OR51B5: variants seen among roughly 807,000 people sequenced by gnomAD.
OR51B5 encodes olfactory receptor family 51 subfamily B member 5, also known as olfactory receptor 51B5.
For missense variants in OR51B5, 456 were observed against 374.6 expected (o/e 1.22, Z -1.79); for synonymous variants, 186 against 144.8 (o/e 1.28, Z -2.04).
chr11:5,456,700 T>A (rs1183853060), intron 1 of OR51B5, among the ~76,000 whole-genome samples: 1 of 152,172 alleles, frequency 6.6e-6, no homozygotes. Flanking sequence ...GGACAAATTA[T>A]TTCATCACCC....
intron 1 of OR51B5, among the ~76,000 whole-genome samples, chr11:5,493,181 G>A (rs557017552): frequency 1.9e-4 from 29 of 152,240 alleles, no homozygotes; most frequent in African/African-American, 7.0e-4. Context: ...TCGAGTCCTT[G>A]TTCATATAGG....
At chr11:5,411,977 G>A (rs984595349) in intron 1 of OR51B5, among the ~76,000 whole-genome samples, 2 of 152,188 alleles carry the variant, frequency 1.3e-5, no homozygotes, top group African/African-American at 4.8e-5. Context: ...TTAGCCCAGT[G>A]AGATCTATTT....
intron 1 of OR51B5, among the ~76,000 whole-genome samples, chr11:5,362,192 A>G (rs769725570): frequency 2.4e-4 from 36 of 152,266 alleles, no homozygotes; most frequent in Admixed American, 1.5e-3. Flanking sequence ...GAAGATCTCA[A>G]CCACACCCAG....
downstream of OR51B5, among the ~76,000 whole-genome samples, chr11:5,341,664 G>T (rs993215614): frequency 6.6e-6 from 1 of 152,132 alleles, no homozygotes; most frequent in Non-Finnish European, 1.5e-5. Context: ...GAATCAGAAT[G>T]TATGTACAGA....
At chr11:5,458,040 G>A (rs1224837382) in intron 1 of OR51B5, among the ~76,000 whole-genome samples, 2 of 152,076 alleles carry the variant, frequency 1.3e-5, no homozygotes, top group African/African-American at 2.4e-5. Context: ...ATTTCCCAAG[G>A]CCTTTGTCCA....
intron 1 of OR51B5, chr11:5,469,313 C>T (rs366257): frequency 0.76 from 117,496 of 153,852 alleles, 45,030 homozygotes; most frequent in Admixed American, 0.8. Flanking sequence ...GGAAATAGCA[C>T]AAAGCAGCAG....
intron 1 of OR51B5, among the ~76,000 whole-genome samples, chr11:5,505,111 GTTTT>G (rs1231614808): frequency 6.6e-6 from 1 of 152,120 alleles, no homozygotes; most frequent in Admixed American, 6.5e-5. Flanking sequence ...CCCATTAGGT[GTTTT>G]TTTGTTTTGT....
intron 1 of OR51B5, chr11:5,351,394 G>C (rs1849083060): frequency 1.4e-6 from 1 of 731,720 alleles, no homozygotes. Flanking sequence ...GTCACTGAAA[G>C]TCAGGACTGG....
intron 1 of OR51B5, among the ~76,000 whole-genome samples, chr11:5,439,963 T>G (rs1476495787): frequency 1.3e-5 from 2 of 152,192 alleles, no homozygotes; most frequent in Non-Finnish European, 2.9e-5. Flanking sequence ...TTCTAAACGT[T>G]TCTGCCTAAG....
At chr11:5,353,338 C>T (rs1301472213) in intron 1 of OR51B5, among the ~76,000 whole-genome samples, 2 of 152,100 alleles carry the variant, frequency 1.3e-5, no homozygotes, top group Admixed American at 1.3e-4. Context: ...ATTCCAGTTA[C>T]TACTGAACAG....
At chr11:5,490,287 G>A (rs930851349) in intron 1 of OR51B5, among the ~76,000 whole-genome samples, 4 of 152,168 alleles carry the variant, frequency 2.6e-5, no homozygotes, top group African/African-American at 9.7e-5. Context: ...ATAAAATGAG[G>A]AAGTTATGTA....
chr11:5,488,759 C>G (rs1440023072), intron 1 of OR51B5: 2 of 1,613,884 alleles, frequency 1.2e-6, no homozygotes, highest in Middle Eastern at 1.6e-4. Context: ...TTCTTCTTAA[C>G]AGGGATCCCA....
intron 1 of OR51B5, among the ~76,000 whole-genome samples, chr11:5,466,169 C>T (rs146673617): frequency 3.0e-4 from 46 of 152,152 alleles, no homozygotes; most frequent in South Asian, 8.3e-4. Flanking sequence ...TTTACGTAGA[C>T]GACAATACAC....
intron 1 of OR51B5, among the ~76,000 whole-genome samples, chr11:5,404,658 T>C (rs1378873248): frequency 6.6e-6 from 1 of 152,216 alleles, no homozygotes; most frequent in Non-Finnish European, 1.5e-5. Context: ...GGAAGCTTTG[T>C]TCTTTTGCTC....
chr11:5,382,739 C>T (rs1849628485), intron 1 of OR51B5, among the ~76,000 whole-genome samples: 1 of 152,202 alleles, frequency 6.6e-6, no homozygotes, highest in Non-Finnish European at 1.5e-5. Flanking sequence ...CTTGTCCTAT[C>T]ACCCTGACTC....
At chr11:5,369,681 C>T (rs1001490079) in intron 1 of OR51B5, among the ~76,000 whole-genome samples, 9 of 152,224 alleles carry the variant, frequency 5.9e-5, no homozygotes, top group African/African-American at 2.2e-4. Flanking sequence ...ATCTGCCATA[C>T]ATTTCTCTGC....
At chr11:5,491,650 C>T (rs1438491392) in intron 1 of OR51B5, among the ~76,000 whole-genome samples, 1 of 152,150 alleles carries the variant, frequency 6.6e-6, no homozygotes, top group Non-Finnish European at 1.5e-5. Flanking sequence ...TCAGGCTCCA[C>T]TGAAATAGTG....
chr11:5,409,112 A>G (rs1383896819), intron 1 of OR51B5, among the ~76,000 whole-genome samples: 1 of 152,148 alleles, frequency 6.6e-6, no homozygotes, highest in East Asian at 1.9e-4. Flanking sequence ...AAATAACTAG[A>G]AAAGTCATAT....
intron 1 of OR51B5, among the ~76,000 whole-genome samples, chr11:5,361,188 C>T (rs1331644219): frequency 2.0e-5 from 3 of 152,074 alleles, no homozygotes; most frequent in Admixed American, 6.6e-5. Flanking sequence ...GCCATCCTCC[C>T]TACATTTTCT....
Sources: allele counts gnomAD v4.1 joint callset (sites outside exome capture counted in the v4.1 genomes callset), GRCh38; gene constraint gnomAD v4.1.1; transcripts MANE v1.5; gene names NCBI Gene and HGNC (gene_info 2026-07-23, HGNC 2026-07-21).